The following SLC44A3 variants were observed in gnomAD, a reference collection of about 807,000 sequenced individuals.
SLC44A3 encodes the protein solute carrier family 44 member 3.
In SLC44A3, 74 loss-of-function variants were observed where a neutral mutation model predicts 75.4. That is an observed-to-expected ratio of 0.98 (90% CI 0.81 to 1.19). SLC44A3 has a LOEUF of 1.19. SLC44A3 is among the 50% of genes most tolerant of loss of function. The pLI, the probability that SLC44A3 is intolerant of heterozygous loss-of-function variation, is 0.00. For missense variants in SLC44A3, 700 were observed against 778.6 expected (o/e 0.90, Z 1.20); for synonymous variants, 310 against 296.9 (o/e 1.04, Z -0.45).
intron 3 of SLC44A3, among the ~76,000 whole-genome samples, chr1:94,826,206 A>G (rs1274506574): frequency 6.6e-6 from 1 of 152,224 alleles, no homozygotes; most frequent in African/African-American, 2.4e-5. Flanking sequence ...AACAGAAAGT[A>G]AAATGGCGAT....
intron 5 of SLC44A3, among the ~76,000 whole-genome samples, chr1:94,834,643 C>T (rs1179093977): frequency 6.6e-6 from 1 of 152,050 alleles, no homozygotes; most frequent in East Asian, 1.9e-4. Flanking sequence ...CACCACGACA[C>T]CTGGCTAGTT....
intron 14 of SLC44A3, 84 bp from the exon 15 acceptor site, chr1:94,894,734 C>G: frequency 1.8e-6 from 2 of 1,122,242 alleles, no homozygotes; most frequent in Non-Finnish European, 2.6e-6. Flanking sequence ...CGTCAGAGGG[C>G]AAAGGAGAAG....
intron 12 of SLC44A3, among the ~76,000 whole-genome samples, chr1:94,868,543 G>T (rs990931899): frequency 1.3e-5 from 2 of 151,994 alleles, no homozygotes; most frequent in African/African-American, 4.8e-5. Context: ...CTTTCAGAAT[G>T]GGGGGGAACA....
chr1:94,845,370 T>C lies in SLC44A3; in HGVS notation c.978T>C (p.Ala326=). 2 of 1,614,132 alleles carry C rather than the reference T, an allele frequency of 1.2e-6. No individual in the cohort carries two copies. The highest frequency in any genetic ancestry group is 8.5e-7 in the Non-Finnish European group (1 of 1,179,988). Residue 326 remains alanine (A), a synonymous_variant, in exon 9 of 15, where the codon GCT becomes GCC. Transcript: ENST00000271227. ...TCACAAATAAAGCCATCAGCAGTGCTCCCTTCCTGCTGTTCCAGCCACTGT... is the reference window on the plus strand; with the variant it reads ...TCACAAATAAAGCCATCAGCAGTGCCCCCTTCCTGCTGTTCCAGCCACTGT... ...FQITNKAISS[A]PFLLFQPLWT...
At chr1:94,888,062 T>A (rs1196746276) in intron 12 of SLC44A3, among the ~76,000 whole-genome samples, 1 of 152,158 alleles carries the variant, frequency 6.6e-6, no homozygotes, top group Non-Finnish European at 1.5e-5. Context: ...CCTCCCAACA[T>A]CCCTTTGCGG....
chr1:94,865,331 T>TGCC (rs1667032194), intron 11 of SLC44A3, among the ~76,000 whole-genome samples: 1 of 152,222 alleles, frequency 6.6e-6, no homozygotes, highest in Non-Finnish European at 1.5e-5. Context: ...AAATATTGCC[T>TGCC]GCCTTTTGTG....
chr1:94,837,056 T>G (rs1294862888), intron 5 of SLC44A3, among the ~76,000 whole-genome samples: 1 of 152,164 alleles, frequency 6.6e-6, no homozygotes, highest in African/African-American at 2.4e-5. Flanking sequence ...GATATTATGT[T>G]AAGTGAAATA....
At chr1:94,869,568 A>T (rs541477173) in intron 12 of SLC44A3, among the ~76,000 whole-genome samples, 94 of 152,302 alleles carry the variant, frequency 6.2e-4, no homozygotes, top group African/African-American at 2.2e-3. Context: ...TGGGAAGAGG[A>T]GGAAGAATGA....
intron 12 of SLC44A3, among the ~76,000 whole-genome samples, chr1:94,879,557 AG>A (rs1200127366): frequency 1.3e-5 from 1 of 77,928 alleles, no homozygotes; most frequent in Non-Finnish European, 2.7e-5. Context: ...AAAAAAAAAA[AG>A]GCTGGGCGCA....
intron 12 of SLC44A3, among the ~76,000 whole-genome samples, chr1:94,887,888 C>T (rs1669766104): frequency 6.6e-6 from 1 of 152,136 alleles, no homozygotes; most frequent in Admixed American, 6.6e-5. Context: ...TTAAAGCCTA[C>T]AGGTAAAGCA....
intron 11 of SLC44A3, 63 bp from the exon 12 acceptor site, chr1:94,867,268 G>C: frequency 7.2e-7 from 1 of 1,395,932 alleles, no homozygotes. Context: ...CTCAGAAACT[G>C]CCTGCTTTTC....
chr1:94,832,386 C>T (rs1419134104), intron 5 of SLC44A3, among the ~76,000 whole-genome samples: 1 of 151,638 alleles, frequency 6.6e-6, no homozygotes, highest in African/African-American at 2.4e-5. Flanking sequence ...GAACAGTGTG[C>T]AGTATACTTT....
At chr1:94,867,286 C>T in intron 11 of SLC44A3, 45 bp from the exon 12 acceptor site, 1 of 1,477,084 alleles carries the variant, frequency 6.8e-7, no homozygotes, top group Non-Finnish European at 9.1e-7. Flanking sequence ...TTCTTCTTTC[C>T]TGTGTTGTTT....
intron 5 of SLC44A3, among the ~76,000 whole-genome samples, chr1:94,830,442 A>G (rs1571179108): frequency 6.6e-6 from 1 of 152,052 alleles, no homozygotes; most frequent in Admixed American, 6.5e-5. Flanking sequence ...TGATCTCGTG[A>G]CCTCGTGATC....
intron 12 of SLC44A3, among the ~76,000 whole-genome samples, chr1:94,881,222 G>A (rs1230085123): frequency 2.6e-5 from 4 of 152,132 alleles, no homozygotes; most frequent in Non-Finnish European, 5.9e-5. Context: ...GCCTGGCAGG[G>A]CAGCTCTGGC....
At chr1:94,890,471 T>A (rs774595901) in intron 12 of SLC44A3, among the ~76,000 whole-genome samples, 1 of 152,186 alleles carries the variant, frequency 6.6e-6, no homozygotes, top group Non-Finnish European at 1.5e-5. Flanking sequence ...TTAACACTCT[T>A]AGGCACATAG....
chr1:94,868,991 A>G (rs976389375), intron 12 of SLC44A3, among the ~76,000 whole-genome samples: 10 of 152,246 alleles, frequency 6.6e-5, no homozygotes, highest in Non-Finnish European at 1.2e-4. Flanking sequence ...GGCCCCATAT[A>G]CCATGCCTAT....
chr1:94,857,391 C>T lies in SLC44A3; in HGVS notation c.1129C>T (p.Arg377Trp), dbSNP rs142721068. Residue 377 changes from arginine (R) to tryptophan (W), a missense_variant, in exon 10 of 15, where the codon CGG (arginine) becomes TGG (tryptophan). Arg to Trp is a moderately radical substitution (Grantham distance 101, BLOSUM62 -3). Transcript: ENST00000271227. ...QVEYKPLSGI[R>W]YMWSYHLIGL... is the part of the protein sequence containing the mutation. ...GGAATATAAGCCCCTTTCGGGCATT[C>T]GGTACATGTGGTCGTACCATTTAAT... is the stretch of plus-strand genomic sequence containing the variant. The T allele has an allele frequency of 6.3e-5, 102 of 1,613,702 alleles. No homozygotes were observed. Among genetic ancestry groups the T allele is most frequent in the Admixed American group, 3.8e-4 (23 of 59,910 alleles).
At chr1:94,877,366 G>C (rs1668404806) in intron 12 of SLC44A3, among the ~76,000 whole-genome samples, 1 of 152,228 alleles carries the variant, frequency 6.6e-6, no homozygotes, top group South Asian at 2.1e-4. Flanking sequence ...AGTGAGAATT[G>C]AAGACTGGAT....
Sources: gnomAD v4.1 joint callset for allele counts (sites outside exome capture counted in the v4.1 genomes callset) on GRCh38, gnomAD v4.1.1 for gene constraint, MANE v1.5 for transcripts, NCBI Gene and HGNC (gene_info 2026-07-23, HGNC 2026-07-21) for gene names.